Variants in NBAS observed in about 807,000 individuals in gnomAD.
NBAS encodes the protein NBAS subunit of NRZ tethering complex.
A neutral mutation model predicts 302.5 loss-of-function variants in NBAS; 219 were observed. The ratio of observed to expected loss-of-function variants is 0.72; its 90% CI spans 0.65 to 0.81. NBAS has a LOEUF of 0.81. NBAS is among the 30% of genes least tolerant of loss of function. The probability of loss-of-function intolerance (pLI) is 0.00; values close to 1 mark genes in which losing one functional copy is unlikely to be tolerated. For missense variants in NBAS, 2,932 were observed against 2,841.6 expected (o/e 1.03, Z -0.72); for synonymous variants, 1,118 against 1,021.6 (o/e 1.09, Z -1.80).
the NBAS span, among the ~76,000 whole-genome samples, chr2:14,890,173 C>G: frequency 1.3e-5 from 2 of 152,146 alleles, no homozygotes; most frequent in Non-Finnish European, 2.9e-5. Flanking sequence ...TTCCCTTCCA[C>G]TGGGGTGACT....
Position 15,461,331 on chromosome 2 carries a change from T to A in NBAS, c.2209A>T (p.Asn737Tyr), listed in dbSNP as rs144098184. ...AACAGAATTTCCAGGGCTTGTACATTACTTTCCTGTACAAAAGGCAAGGGG... is the reference window on the plus strand; with the variant it reads ...AACAGAATTTCCAGGGCTTGTACATAACTTTCCTGTACAAAAGGCAAGGGG... ...LSARTYAQES[N>Y]VQALEILFTY... The change falls in exon 21 of 52, where the codon AAT becomes TAT. Residue 737 changes from asparagine to tyrosine, a missense_variant. Coordinates refer to ENST00000281513, the MANE Select transcript of NBAS (RefSeq NM_015909.4). The A allele has an allele frequency of 6.2e-7, 1 of 1,611,780 alleles. No homozygotes were observed. The highest frequency in any genetic ancestry group is 1.7e-4 in the Middle Eastern group (1 of 6,056).
chr2:14,957,114 C>T, the NBAS span, among the ~76,000 whole-genome samples: 1 of 152,060 alleles, frequency 6.6e-6, no homozygotes, highest in African/African-American at 2.4e-5. Context: ...AGGAGAGGGG[C>T]CTGGAACATA....
chr2:14,919,859 G>A, the NBAS span, among the ~76,000 whole-genome samples: 16 of 152,132 alleles, frequency 1.1e-4, no homozygotes, highest in Middle Eastern at 3.4e-3. Context: ...ATCTGCATTC[G>A]CTTCCTCATT....
chr2:15,112,738 T>C, the NBAS span, among the ~76,000 whole-genome samples: 2 of 16,502 alleles, frequency 1.2e-4, no homozygotes, highest in East Asian at 5.0e-3. Context: ...TTTGAAATTC[T>C]CAAAGGAAAA....
the NBAS span, among the ~76,000 whole-genome samples, chr2:14,958,951 G>A: frequency 6.6e-6 from 1 of 152,218 alleles, no homozygotes; most frequent in Non-Finnish European, 1.5e-5. Context: ...ATTGCAGTGG[G>A]AAAGGAGGAA....
chr2:14,922,335 G>A, the NBAS span, among the ~76,000 whole-genome samples: 2 of 152,212 alleles, frequency 1.3e-5, no homozygotes, highest in African/African-American at 2.4e-5. Context: ...AGTCCAGAGT[G>A]GAGAGGAAGT....
At chr2:15,535,963 G>C (rs1014548209) in intron 8 of NBAS, among the ~76,000 whole-genome samples, 3 of 152,216 alleles carry the variant, frequency 2.0e-5, no homozygotes, top group Non-Finnish European at 4.4e-5. Flanking sequence ...TTTCTAGCAT[G>C]ATGGTAATGT....
Position 15,504,170 on chromosome 2 carries a change from A to C in NBAS, c.929T>G (p.Phe310Cys). ...LGLLRMLSVK[F>C]YSRQGQEQDG... The stretch of plus-strand genomic sequence containing the variant: ...CTGTTCTTGTCCCTGGCGACTGTAA[A>C]ACTTGACACTTAACATCCTTAATAA... The change falls in exon 11 of 52, where the codon TTT (phenylalanine) becomes TGT (cysteine). Residue 310 changes from phenylalanine to cysteine, a missense_variant. Physicochemically the swap from Phe to Cys is radical, Grantham distance 205. Coordinates refer to ENST00000281513, the MANE Select transcript of NBAS (RefSeq NM_015909.4). The C allele has an allele frequency of 6.2e-7, 1 of 1,613,692 alleles. No individual in the cohort carries two copies. Among genetic ancestry groups the C allele is most frequent in the African/African-American group, 1.3e-5 (1 of 75,036 alleles).
At chr2:15,022,944 TA>T in the NBAS span, among the ~76,000 whole-genome samples, 1 of 151,984 alleles carries the variant, frequency 6.6e-6, no homozygotes, top group South Asian at 2.1e-4. Context: ...AGTTTTTTTT[TA>T]TTTTTTTTTG....
rs78089868 is a variant in NBAS at position 15,275,826 on chromosome 2, A to G, written c.5390-8T>C. Reference sequence around the variant, plus strand: ...GCTTTTTGTAATTAAGACCTAGCAGAAAAAAAAAGAAAGTAGGTAAGTGGT... The same window carrying G: ...GCTTTTTGTAATTAAGACCTAGCAGGAAAAAAAAGAAAGTAGGTAAGTGGT... On this transcript the variant is annotated splice_polypyrimidine_tract_variant and splice_region_variant and intron_variant, in intron 43 of 51. Coordinates refer to ENST00000281513, the MANE Select transcript of NBAS (RefSeq NM_015909.4). The G allele has an allele frequency of 8.8e-6, 14 of 1,599,942 alleles. No homozygotes were observed. The Admixed American group carries it at 1.2e-4, about 13-fold the overall frequency.
chr2:15,440,588 C>A (rs1007659198), intron 21 of NBAS, among the ~76,000 whole-genome samples: 4 of 152,152 alleles, frequency 2.6e-5, no homozygotes, highest in Non-Finnish European at 4.4e-5. Flanking sequence ...TGGAAACTCT[C>A]AAAAGCAGAG....
At chr2:15,097,272 A>G in the NBAS span, among the ~76,000 whole-genome samples, 1 of 152,164 alleles carries the variant, frequency 6.6e-6, no homozygotes, top group Admixed American at 6.5e-5. Context: ...CAAGGTGTCA[A>G]AGAAAGTTCT....
At chr2:14,942,422 C>T in the NBAS span, among the ~76,000 whole-genome samples, 1 of 152,094 alleles carries the variant, frequency 6.6e-6, no homozygotes, top group East Asian at 1.9e-4. Flanking sequence ...TAGCACCTCA[C>T]CCCTCACTCT....
intron 11 of NBAS, among the ~76,000 whole-genome samples, chr2:15,494,896 T>A (rs944642875): frequency 6.6e-6 from 1 of 152,158 alleles, no homozygotes; most frequent in African/African-American, 2.4e-5. Context: ...CCCCCTTTTT[T>A]CATTTTGCTG....
At chr2:15,279,814 T>C (rs942413382) in intron 42 of NBAS, among the ~76,000 whole-genome samples, 1 of 152,200 alleles carries the variant, frequency 6.6e-6, no homozygotes, top group African/African-American at 2.4e-5. Context: ...CAATAGCTCA[T>C]TTTAATAGTT....
the NBAS span, among the ~76,000 whole-genome samples, chr2:14,885,610 G>A: frequency 7.2e-5 from 11 of 152,090 alleles, no homozygotes; most frequent in Admixed American, 3.9e-4. Flanking sequence ...TAAAGTCCAC[G>A]GAGTGACAAA....
chr2:15,120,488 T>C, the NBAS span, among the ~76,000 whole-genome samples: 1 of 151,640 alleles, frequency 6.6e-6, no homozygotes, highest in Non-Finnish European at 1.5e-5. Flanking sequence ...CTGAAGTAAA[T>C]GCTTGCTTTA....
the NBAS span, among the ~76,000 whole-genome samples, chr2:14,814,807 G>A: frequency 1.3e-5 from 2 of 152,192 alleles, no homozygotes; most frequent in East Asian, 1.9e-4. Context: ...GACATGGTTT[G>A]GCTCTGTGTC....
rs369911391 is a variant in NBAS, at chr2:15,292,671, C to G, written c.4893G>C (p.Gln1631His). 4 of 1,614,212 alleles carry G rather than the reference C, an allele frequency of 2.5e-6. No individual in the cohort carries two copies. Among genetic ancestry groups the G allele is most frequent in the Non-Finnish European group, 3.4e-6 (4 of 1,180,048 alleles). The change falls in exon 41 of 52, where the codon CAG (glutamine) becomes CAC (histidine). Residue 1631 changes from glutamine to histidine, a missense_variant. Gln to His is a conservative substitution (Grantham distance 24, BLOSUM62 0). Coordinates refer to ENST00000281513, the MANE Select transcript of NBAS (RefSeq NM_015909.4). Reference sequence around the variant, plus strand: ...GGAGACGTTCATTGTAGCAGTGTAACTGCTTGGTCAGTGAAATAAGGTCTT... The same window carrying G: ...GGAGACGTTCATTGTAGCAGTGTAAGTGCTTGGTCAGTGAAATAAGGTCTT... ...WPEDLISLTK[Q>H]LHCYNERLLD...
Sources: gnomAD v4.1 joint callset for allele counts (sites outside exome capture counted in the v4.1 genomes callset) on GRCh38, gnomAD v4.1.1 for gene constraint, MANE v1.5 for transcripts, NCBI Gene and HGNC (gene_info 2026-07-23, HGNC 2026-07-21) for gene names.